GREM2: variants seen among roughly 807,000 people sequenced by gnomAD.
The protein encoded by GREM2 is gremlin 2, DAN family BMP antagonist, also known as gremlin-2.
GREM2 carries 11 observed loss-of-function variants against 14.2 expected under a neutral mutation model. That is an observed-to-expected ratio of 0.78 (90% confidence interval 0.49 to 1.28). GREM2 has a LOEUF of 1.28. Ranked by LOEUF, GREM2 falls within the 50% of genes most tolerant of loss-of-function variation. The pLI, the probability that GREM2 is intolerant of heterozygous loss-of-function variation, is 0.00. For missense variants in GREM2, 210 were observed against 218.5 expected (o/e 0.96, Z 0.24); for synonymous variants, 98 against 97.6 (o/e 1.00, Z -0.02).
chr1:240,496,330 T>C (rs2103271174), intron 1 of GREM2, among the ~76,000 whole-genome samples: 1 of 151,876 alleles, frequency 6.6e-6, no homozygotes, highest in African/African-American at 2.4e-5. Context: ...TTGCTCACTC[T>C]GCTCCAGCCA....
rs199526145 is a variant in GREM2 at position 240,532,640 on chromosome 1, TATAGATAG to T, written c.-1-39172_-1-39165del. ...ATAACCACTTTATATAAGAGATATA[TATAGATAG>T]ATAGATAGATAGATAGATAGATAGA... On this transcript the variant is annotated intron_variant, in intron 1 of 1. Transcript: ENST00000318160. 6.0e-3 allele frequency among the ~76,000 whole-genome samples: 627 copies of T among 104,266 alleles called. 5 individuals carry two copies. The highest frequency in any genetic ancestry group is 0.016 in the Admixed American group (160 of 10,264). 68.4% of individuals were successfully genotyped at this position (104,266 alleles called of 152,430 possible).
At chr1:240,579,024 G>T (rs1679428111) in intron 1 of GREM2, among the ~76,000 whole-genome samples, 1 of 152,048 alleles carries the variant, frequency 6.6e-6, no homozygotes, top group Non-Finnish European at 1.5e-5. Flanking sequence ...CACTTTCTAG[G>T]TCAGAAGATG....
intron 1 of GREM2, among the ~76,000 whole-genome samples, chr1:240,529,419 C>T (rs1413645700): frequency 6.6e-6 from 1 of 151,904 alleles, no homozygotes; most frequent in African/African-American, 2.4e-5. Context: ...CTCGGTCTTC[C>T]CATGTTGTCA....
intron 1 of GREM2, among the ~76,000 whole-genome samples, chr1:240,584,702 C>T (rs1679557331): frequency 6.6e-6 from 1 of 151,650 alleles, no homozygotes; most frequent in Non-Finnish European, 1.5e-5. Flanking sequence ...AGAGTGATAC[C>T]CTGTCTCAAA....
intron 1 of GREM2, among the ~76,000 whole-genome samples, chr1:240,497,470 G>A (rs948807030): frequency 3.3e-5 from 5 of 151,982 alleles, no homozygotes; most frequent in Admixed American, 6.5e-5. Context: ...GAAAAGCATC[G>A]GTTCTACCTG....
Position 240,607,173 on chromosome 1 carries a change from G to T in GREM2, c.-2+4711C>A, listed in dbSNP as rs183791132. Among the ~76,000 whole-genome samples the T allele has an allele frequency of 2.6e-4, 39 of 152,272 alleles. No individual in the cohort carries two copies. The East Asian group carries it at 7.1e-3, about 28-fold the overall frequency. On this transcript the variant is annotated intron_variant, in intron 1 of 1. Coordinates refer to ENST00000318160, the MANE Select transcript of GREM2 (RefSeq NM_022469.4). ...TCAGCCATTTCTCAGAGGGAAGCAC[G>T]TAGAATTGATGTTTACAGCTGGAAT...
chr1:240,515,750 A>G (rs2103296710), intron 1 of GREM2, among the ~76,000 whole-genome samples: 1 of 152,298 alleles, frequency 6.6e-6, no homozygotes, highest in Non-Finnish European at 1.5e-5. Flanking sequence ...ATAAAGGGTA[A>G]AACTCATTAG....
chr1:240,507,283 T>TCCTCCCTC (rs1011481913), intron 1 of GREM2, among the ~76,000 whole-genome samples: 1 of 151,564 alleles, frequency 6.6e-6, no homozygotes, highest in Non-Finnish European at 1.5e-5. Flanking sequence ...CTTCCTGCCT[T>TCCTCCCTC]CCTCCCTCCC....
chr1:240,607,327 A>AT (rs11294379), intron 1 of GREM2, among the ~76,000 whole-genome samples: 17 of 150,894 alleles, frequency 1.1e-4, no homozygotes, highest in South Asian at 6.3e-4. Flanking sequence ...CTTAGGTTAA[A>AT]TTTTTTTTTT....
intron 1 of GREM2, among the ~76,000 whole-genome samples, chr1:240,527,502 T>G (rs1231259556): frequency 6.6e-6 from 1 of 152,222 alleles, no homozygotes; most frequent in East Asian, 1.9e-4. Flanking sequence ...TAAAAACATT[T>G]TATAATCTGC....
chr1:240,498,319 G>A (rs1001214909), intron 1 of GREM2, among the ~76,000 whole-genome samples: 5 of 152,198 alleles, frequency 3.3e-5, no homozygotes, highest in African/African-American at 2.4e-5. Flanking sequence ...TGACTGGGGC[G>A]AAGTCAGTCT....
intron 1 of GREM2, among the ~76,000 whole-genome samples, chr1:240,563,290 C>T (rs1006935520): frequency 2.0e-5 from 3 of 151,804 alleles, no homozygotes; most frequent in Non-Finnish European, 2.9e-5. Flanking sequence ...TTTACAAACG[C>T]GCTGCAGTGT....
intron 1 of GREM2, among the ~76,000 whole-genome samples, chr1:240,551,950 G>T (rs1678862319): frequency 6.6e-6 from 1 of 151,918 alleles, no homozygotes; most frequent in African/African-American, 2.4e-5. Flanking sequence ...CAAATAAGAG[G>T]GTGTATCTAA....
intron 1 of GREM2, among the ~76,000 whole-genome samples, chr1:240,561,561 A>G (rs1351254089): frequency 1.3e-5 from 2 of 152,196 alleles, no homozygotes; most frequent in Non-Finnish European, 2.9e-5. Context: ...TCTTTTAAGA[A>G]TAATAAAATT....
At chr1:240,559,642 C>A (rs978952555) in intron 1 of GREM2, among the ~76,000 whole-genome samples, 1 of 152,128 alleles carries the variant, frequency 6.6e-6, no homozygotes, top group Admixed American at 6.5e-5. Flanking sequence ...CTGCGCCTGG[C>A]CAAAAAGTCT....
At chr1:240,525,512 T>TA (rs1347146832) in intron 1 of GREM2, among the ~76,000 whole-genome samples, 1 of 151,962 alleles carries the variant, frequency 6.6e-6, no homozygotes, top group African/African-American at 2.4e-5. Context: ...TTTTTTTTTT[T>TA]AAACAGAGTG....
intron 1 of GREM2, among the ~76,000 whole-genome samples, chr1:240,523,310 A>T (rs554413828): frequency 6.6e-6 from 1 of 152,314 alleles, no homozygotes; most frequent in South Asian, 2.1e-4. Flanking sequence ...TCTCAGCTTC[A>T]GCACAATTGA....
At chr1:240,525,798 G>C (rs1328576107) in intron 1 of GREM2, among the ~76,000 whole-genome samples, 1 of 152,294 alleles carries the variant, frequency 6.6e-6, no homozygotes, top group East Asian at 1.9e-4. Context: ...CTATCTTAGA[G>C]TTCTGTCGGT....
intron 1 of GREM2, among the ~76,000 whole-genome samples, chr1:240,598,987 G>A (rs147055345): frequency 4.6e-5 from 7 of 152,160 alleles, no homozygotes; most frequent in Non-Finnish European, 1.0e-4. Context: ...AAGAGTAAGT[G>A]GTCGGGTGTG....
Sources: gnomAD v4.1 joint callset for allele counts (sites outside exome capture counted in the v4.1 genomes callset) on GRCh38, gnomAD v4.1.1 for gene constraint, MANE v1.5 for transcripts, NCBI Gene and HGNC (gene_info 2026-07-23, HGNC 2026-07-21) for gene names.